The following NFIA variants were observed in gnomAD, a reference collection of about 807,000 sequenced individuals.
NFIA encodes nuclear factor 1 A-type.
A neutral mutation model predicts 62.8 loss-of-function variants in NFIA; 8 were observed. The ratio of observed to expected loss-of-function variants is 0.13; its 90% CI spans 0.07 to 0.23. The LOEUF is 0.23. NFIA is among the 10% of genes least tolerant of loss of function. The pLI is 1.00. For missense variants in NFIA, 410 were observed against 642.1 expected (o/e 0.64, Z 3.91); for synonymous variants, 235 against 238.1 (o/e 0.99, Z 0.12).
chr1:61,155,826 A>T (rs1352451551), intron 2 of NFIA, among the ~76,000 whole-genome samples: 1 of 151,872 alleles, frequency 6.6e-6, no homozygotes, highest in Non-Finnish European at 1.5e-5. Context: ...GAAAGTCCTA[A>T]AGTGAGTTCA....
At chr1:61,254,120 C>T (rs1473860532) in intron 2 of NFIA, among the ~76,000 whole-genome samples, 10 of 152,138 alleles carry the variant, frequency 6.6e-5, no homozygotes, top group Admixed American at 3.9e-4. Context: ...TTCCATCTTA[C>T]GTCATTTGTG....
chr1:61,219,513 G>A (rs1653869482), intron 2 of NFIA, among the ~76,000 whole-genome samples: 1 of 151,864 alleles, frequency 6.6e-6, no homozygotes, highest in African/African-American at 2.4e-5. Context: ...AGGATATCGA[G>A]ACCCTCCTGG....
At chr1:61,147,871 A>G (rs1341417183) in intron 2 of NFIA, among the ~76,000 whole-genome samples, 1 of 152,190 alleles carries the variant, frequency 6.6e-6, no homozygotes, top group Non-Finnish European at 1.5e-5. Flanking sequence ...GGTTGCATCT[A>G]TATATATTGC....
At chr1:61,305,609 GC>G (rs1659727043) in intron 3 of NFIA, among the ~76,000 whole-genome samples, 1 of 152,176 alleles carries the variant, frequency 6.6e-6, no homozygotes, top group South Asian at 2.1e-4. Flanking sequence ...CCCCATGTAA[GC>G]ATTTGAGGGG....
chr1:61,367,053 C>G (rs188573270), intron 6 of NFIA, among the ~76,000 whole-genome samples: 1 of 152,202 alleles, frequency 6.6e-6, no homozygotes, highest in Non-Finnish European at 1.5e-5. Context: ...GGTCAGTCAG[C>G]GACCCAGGGC....
At chr1:61,448,602 T>G (rs1396034463) in intron 10 of NFIA, among the ~76,000 whole-genome samples, 2 of 152,226 alleles carry the variant, frequency 1.3e-5, no homozygotes, top group African/African-American at 2.4e-5. Flanking sequence ...AACTGAGACC[T>G]AGTGATGCTA....
chr1:61,450,850 AC>A (rs1365594644), intron 10 of NFIA, among the ~76,000 whole-genome samples: 1 of 152,232 alleles, frequency 6.6e-6, no homozygotes, highest in Non-Finnish European at 1.5e-5. Context: ...AAAGTAAAAT[AC>A]AAAATACAAA....
intron 2 of NFIA, among the ~76,000 whole-genome samples, chr1:61,191,968 GT>G (rs5774543): frequency 0.68 from 102,187 of 151,140 alleles, 36,109 homozygotes; most frequent in African/African-American, 0.9. Flanking sequence ...TTTGTTTTTT[GT>G]TTTTTTTTGA....
At chr1:61,340,421 C>G (rs1380168717) in intron 4 of NFIA, among the ~76,000 whole-genome samples, 1 of 152,210 alleles carries the variant, frequency 6.6e-6, no homozygotes, top group African/African-American at 2.4e-5. Flanking sequence ...TTTAACCCCT[C>G]TTGGCTGTGT....
intron 2 of NFIA, among the ~76,000 whole-genome samples, chr1:61,207,713 T>C (rs556770982): frequency 6.6e-6 from 1 of 152,348 alleles, no homozygotes; most frequent in African/African-American, 2.4e-5. Flanking sequence ...AAGCGATTCA[T>C]GAGTGAAAAG....
intron 2 of NFIA, among the ~76,000 whole-genome samples, chr1:61,155,138 T>C (rs1648697856): frequency 6.6e-6 from 1 of 152,232 alleles, no homozygotes; most frequent in South Asian, 2.1e-4. Context: ...TTTATCATCA[T>C]ATTGGTTATA....
intron 2 of NFIA, among the ~76,000 whole-genome samples, chr1:61,149,668 G>C (rs978723716): frequency 2.4e-4 from 37 of 152,180 alleles, no homozygotes; most frequent in Non-Finnish European, 4.3e-4. Context: ...AATCTTGTCT[G>C]TACTGCTGAT....
chr1:61,234,577 T>C lies in NFIA; in HGVS notation c.560-42943T>C, dbSNP rs145921524. Among the ~76,000 whole-genome samples, 218 of 152,206 alleles carry C rather than the reference T, an allele frequency of 1.4e-3. 2 individuals carry two copies. In the East Asian group the frequency reaches 0.036, roughly 25 times the overall value. On this transcript the variant is annotated intron_variant, in intron 2 of 10. Transcript: ENST00000403491. ...TTGCCCTTACTAATCCCTTCATAAATACTAGCATATAAAAGAAAGTAGTCC... is the reference window on the plus strand; with the variant it reads ...TTGCCCTTACTAATCCCTTCATAAACACTAGCATATAAAAGAAAGTAGTCC...
intron 6 of NFIA, among the ~76,000 whole-genome samples, chr1:61,370,402 T>C (rs1280670648): frequency 6.6e-6 from 1 of 152,118 alleles, no homozygotes; most frequent in African/African-American, 2.4e-5. Flanking sequence ...AAGAGGGCTG[T>C]CTCCAGCACT....
chr1:61,135,599 G>A (rs761192236), intron 2 of NFIA, among the ~76,000 whole-genome samples: 1 of 152,150 alleles, frequency 6.6e-6, no homozygotes, highest in South Asian at 2.1e-4. Flanking sequence ...TAGACACAGG[G>A]TCTCCCTGTG....
At chr1:61,410,436 C>T (rs536171651) in intron 9 of NFIA, among the ~76,000 whole-genome samples, 40 of 152,244 alleles carry the variant, frequency 2.6e-4, no homozygotes, top group Admixed American at 1.2e-3. Flanking sequence ...CTTATGAGAG[C>T]TCAACTTTAG....
In NFIA at chr1:61,456,342, A is replaced by G. The variant is rs1353841245; in HGVS notation, c.*1022A>G. The G allele has an allele frequency of 6.6e-6, 1 of 150,766 alleles. No homozygotes were observed. Among genetic ancestry groups the G allele is most frequent in the Non-Finnish European group, 1.5e-5 (1 of 67,778 alleles). The allele number at this position is 150,766 out of a possible 1,614,324, so 9.3% of individuals were successfully genotyped here. A position where few individuals can be genotyped will look rare whatever the true frequency, so the allele number is the denominator to read the frequency against. On this transcript the variant is annotated 3_prime_UTR_variant, in exon 11 of 11. Coordinates refer to ENST00000403491, the MANE Select transcript of NFIA (RefSeq NM_001134673.4). ...TTTGCTTTTTATGTTTTTTATTGTT[A>G]AACTTGTATCCCTTTAAAAACTGAA...
intron 2 of NFIA, among the ~76,000 whole-genome samples, chr1:61,198,659 C>T (rs945869203): frequency 3.3e-5 from 5 of 152,118 alleles, no homozygotes; most frequent in African/African-American, 9.7e-5. Flanking sequence ...TGTATGCGAC[C>T]GGAAGGCAGT....
rs1297037234 is a variant in NFIA, at chr1:61,461,315, G to T, written c.*5995G>T. 3 of 152,094 alleles carry T rather than the reference G, an allele frequency of 2.0e-5. No individual in the cohort carries two copies. The highest frequency in any genetic ancestry group is 7.2e-5 in the African/African-American group (3 of 41,402). The allele number at this position is 152,094 out of a possible 1,614,324, so 9.4% of individuals were successfully genotyped here. On this transcript the variant is annotated 3_prime_UTR_variant, in exon 11 of 11. Transcript: ENST00000403491. ...GAAAAAAAATGTAAGAAATCACATG[G>T]CTATTTAGTTTCATGCACAGTTGCA...
Sources: gnomAD v4.1 joint callset for allele counts (sites outside exome capture counted in the v4.1 genomes callset) on GRCh38, gnomAD v4.1.1 for gene constraint, MANE v1.5 for transcripts, NCBI Gene and HGNC (gene_info 2026-07-23, HGNC 2026-07-21) for gene names.